Variants in LRRC28 observed in about 807,000 individuals in gnomAD.
The protein encoded by LRRC28 is leucine-rich repeat-containing protein 28.
LRRC28 carries 39 observed loss-of-function variants against 45.7 expected under a neutral mutation model. That is an observed-to-expected ratio of 0.85 (90% CI 0.66 to 1.12). The LOEUF (loss-of-function observed/expected upper bound fraction) is 1.12. Ranked by LOEUF, LRRC28 falls within the 50% of genes most tolerant of loss-of-function variation. LRRC28 has a pLI of 0.00. For synonymous variants in LRRC28, 206 were observed against 178.8 expected (o/e 1.15, Z -1.22); for missense variants, 435 against 438.5 (o/e 0.99, Z 0.07).
chr15:99,258,146 A>G (rs757626616), intron 2 of LRRC28: 228 of 1,612,272 alleles, frequency 1.4e-4, no homozygotes, highest in Non-Finnish European at 1.9e-4. Context: ...CGAGTTTTTA[A>G]ACAAAATGAC....
chr15:99,253,865 T>C (rs1029173764), intron 1 of LRRC28, among the ~76,000 whole-genome samples: 10 of 152,176 alleles, frequency 6.6e-5, no homozygotes, highest in African/African-American at 2.4e-4. Flanking sequence ...TAGAGGCCAC[T>C]AGCCTTGTGA....
intron 5 of LRRC28, among the ~76,000 whole-genome samples, chr15:99,290,949 C>T (rs1414201692): frequency 3.3e-5 from 5 of 152,122 alleles, no homozygotes; most frequent in Non-Finnish European, 4.4e-5. Context: ...GCCTGGACAG[C>T]GGAGTGAGAC....
chr15:99,354,326 A>G (rs1567690890), intron 7 of LRRC28, among the ~76,000 whole-genome samples: 1 of 152,220 alleles, frequency 6.6e-6, no homozygotes, highest in East Asian at 1.9e-4. Flanking sequence ...AATAGATGAT[A>G]ACTACTGAAG....
intron 3 of LRRC28, chr15:99,285,450 A>G: frequency 2.4e-6 from 2 of 828,610 alleles, no homozygotes; most frequent in South Asian, 1.4e-5. Context: ...CCATGACCAC[A>G]CAGTCCGTGA....
At chr15:99,361,874 T>A (rs925796086) in intron 8 of LRRC28, among the ~76,000 whole-genome samples, 1 of 152,170 alleles carries the variant, frequency 6.6e-6, no homozygotes, top group Admixed American at 6.5e-5. Flanking sequence ...GAATGTGTAT[T>A]TGGTTGAAGT....
rs145805628 is a variant in LRRC28 at position 99,275,901 on chromosome 15, C to T, written c.169-675C>T. Among the ~76,000 whole-genome samples the T allele has an allele frequency of 6.4e-3, 979 of 152,230 alleles. 14 individuals are homozygous for T. The highest frequency in any genetic ancestry group is 0.022 in the African/African-American group (900 of 41,534). On this transcript the variant is annotated intron_variant, in intron 2 of 9. Coordinates refer to ENST00000301981, the MANE Select transcript of LRRC28 (RefSeq NM_144598.5). ...ACCTGGTACCTGTTAGGAACGGGGC[C>T]GCACAGCAGGAGGTGAGTGGCAGGC...
At chr15:99,266,929 A>T (rs7171210) in intron 2 of LRRC28, among the ~76,000 whole-genome samples, 96,055 of 151,558 alleles carry the variant, frequency 0.63, 30,455 homozygotes, top group Middle Eastern at 0.76. Flanking sequence ...ATAATGATTA[A>T]AGTTGGAGAT....
intron 9 of LRRC28, among the ~76,000 whole-genome samples, chr15:99,367,393 A>G (rs932373463): frequency 4.6e-5 from 7 of 152,198 alleles, no homozygotes; most frequent in South Asian, 2.1e-4. Context: ...GGTGAGGGCC[A>G]TCTTGCTGCA....
intron 5 of LRRC28, among the ~76,000 whole-genome samples, chr15:99,315,081 A>G (rs1252674801): frequency 6.6e-6 from 1 of 152,176 alleles, no homozygotes; most frequent in Non-Finnish European, 1.5e-5. Context: ...AATGTTTTTC[A>G]TAGATTTTCA....
chr15:99,352,914 G>T (rs1035270655), intron 7 of LRRC28, among the ~76,000 whole-genome samples: 45 of 152,172 alleles, frequency 3.0e-4, no homozygotes, highest in African/African-American at 9.4e-4. Context: ...TTACTGCAGT[G>T]ACAGTCCTAG....
chr15:99,343,991 G>A (rs142288227), intron 6 of LRRC28, among the ~76,000 whole-genome samples: 2 of 152,174 alleles, frequency 1.3e-5, no homozygotes, highest in African/African-American at 2.4e-5. Context: ...CTGTGACCTT[G>A]CCCGGCGCTG....
intron 6 of LRRC28, among the ~76,000 whole-genome samples, chr15:99,343,968 T>A (rs11852804): frequency 0.014 from 2,095 of 152,244 alleles, 47 homozygotes; most frequent in African/African-American, 0.048. Context: ...CATCACAGCA[T>A]CGCCTTTACA....
intron 1 of LRRC28, among the ~76,000 whole-genome samples, chr15:99,253,074 C>T (rs1467432608): frequency 6.6e-6 from 1 of 151,724 alleles, no homozygotes; most frequent in Non-Finnish European, 1.5e-5. Context: ...AAACAAACAG[C>T]CAAGTTCCTC....
At chr15:99,335,508 T>G (rs1297798630) in intron 6 of LRRC28, among the ~76,000 whole-genome samples, 1 of 152,188 alleles carries the variant, frequency 6.6e-6, no homozygotes, top group Non-Finnish European at 1.5e-5. Flanking sequence ...TTTTTATTCT[T>G]GAGCCAGGCA....
intron 7 of LRRC28, among the ~76,000 whole-genome samples, chr15:99,359,016 A>C (rs908355854): frequency 5.9e-5 from 9 of 152,020 alleles, no homozygotes; most frequent in Middle Eastern, 3.2e-3. Flanking sequence ...CAGAGGTTGC[A>C]ATGAGTTGAG....
At chr15:99,340,058 A>T (rs1368651504) in intron 6 of LRRC28, among the ~76,000 whole-genome samples, 1 of 152,268 alleles carries the variant, frequency 6.6e-6, no homozygotes, top group African/African-American at 2.4e-5. Flanking sequence ...TTAGTGGACA[A>T]GCAAGCACGT....
At chr15:99,346,048 C>T (rs1037756243) in intron 6 of LRRC28, among the ~76,000 whole-genome samples, 1 of 151,946 alleles carries the variant, frequency 6.6e-6, no homozygotes, top group Non-Finnish European at 1.5e-5. Flanking sequence ...GTGGTGTAGT[C>T]ATGGCTCACT....
At chr15:99,360,680 G>T (rs1957175679) in intron 7 of LRRC28, among the ~76,000 whole-genome samples, 2 of 152,126 alleles carry the variant, frequency 1.3e-5, no homozygotes, top group Admixed American at 1.3e-4. Flanking sequence ...GAGGCTCTTA[G>T]GTTACCCAAT....
intron 3 of LRRC28, among the ~76,000 whole-genome samples, chr15:99,277,086 GT>G (rs1289023087): frequency 6.6e-6 from 1 of 151,804 alleles, no homozygotes. Context: ...TTACACCTTT[GT>G]TTTTTTAATG....
Sources: gnomAD v4.1 joint callset for allele counts (sites outside exome capture counted in the v4.1 genomes callset) on GRCh38, gnomAD v4.1.1 for gene constraint, MANE v1.5 for transcripts, NCBI Gene and HGNC (gene_info 2026-07-23, HGNC 2026-07-21) for gene names.